The following EYA4 variants were observed in gnomAD, a reference collection of about 807,000 sequenced individuals.
The protein encoded by EYA4 is protein phosphatase EYA4.
A neutral mutation model predicts 87.9 loss-of-function variants in EYA4; 31 were observed. The observed-to-expected ratio is 0.35, with a 90% CI of 0.27 to 0.48. The LOEUF (loss-of-function observed/expected upper bound fraction) is 0.48. EYA4 is among the 20% of genes least tolerant of loss of function. The pLI is 0.99. For missense variants in EYA4, 678 were observed against 761.4 expected (o/e 0.89, Z 1.29); for synonymous variants, 263 against 270.6 (o/e 0.97, Z 0.28).
chr6:133,348,625 C>A (rs1366683860), intron 2 of EYA4, among the ~76,000 whole-genome samples: 2 of 152,080 alleles, frequency 1.3e-5, no homozygotes, highest in Admixed American at 1.3e-4. Flanking sequence ...TCTTTAAATA[C>A]CATTTTTTAT....
At chr6:133,491,616 T>C (rs989857607) in intron 13 of EYA4, among the ~76,000 whole-genome samples, 1 of 151,956 alleles carries the variant, frequency 6.6e-6, no homozygotes, top group Non-Finnish European at 1.5e-5. Context: ...GTCCAAAACG[T>C]GAACACACCA....
intron 2 of EYA4, among the ~76,000 whole-genome samples, chr6:133,297,606 GC>G (rs1303801649): frequency 6.6e-6 from 1 of 152,134 alleles, no homozygotes; most frequent in Admixed American, 6.5e-5. Flanking sequence ...TGAGTTCAGG[GC>G]AAACACAGCC....
At chr6:133,358,175 A>G (rs1784207973) in intron 2 of EYA4, among the ~76,000 whole-genome samples, 1 of 152,182 alleles carries the variant, frequency 6.6e-6, no homozygotes, top group Non-Finnish European at 1.5e-5. Context: ...AGTTTAATAG[A>G]AACCCAAGTT....
chr6:133,453,671 G>A (rs530859620), intron 5 of EYA4: 3 of 152,074 alleles, frequency 2.0e-5, no homozygotes, highest in Non-Finnish European at 4.4e-5. Context: ...TTCTGTGACA[G>A]AATAAATGTT....
chr6:133,437,227 C>A (rs1015898554), intron 3 of EYA4, among the ~76,000 whole-genome samples: 53 of 152,158 alleles, frequency 3.5e-4, no homozygotes, highest in African/African-American at 1.1e-3. Context: ...GAGCAGTGTA[C>A]ATTTGGCAGA....
At chr6:133,259,928 T>G (rs1416956094) in intron 1 of EYA4, among the ~76,000 whole-genome samples, 3 of 152,188 alleles carry the variant, frequency 2.0e-5, no homozygotes, top group Non-Finnish European at 4.4e-5. Context: ...ACACACTTCT[T>G]GAGATTTACC....
intron 13 of EYA4, among the ~76,000 whole-genome samples, chr6:133,497,212 T>C (rs1431429326): frequency 6.6e-6 from 1 of 152,088 alleles, no homozygotes; most frequent in Non-Finnish European, 1.5e-5. Flanking sequence ...TCTTAATCTC[T>C]GTATTCTTTG....
intron 2 of EYA4, among the ~76,000 whole-genome samples, chr6:133,294,956 A>G (rs1778841508): frequency 1.3e-5 from 2 of 152,188 alleles, no homozygotes; most frequent in South Asian, 4.1e-4. Context: ...TTATTTGAGT[A>G]TCTAACATAT....
intron 2 of EYA4, among the ~76,000 whole-genome samples, chr6:133,316,337 A>G (rs1048946557): frequency 6.6e-6 from 1 of 152,182 alleles, no homozygotes; most frequent in Admixed American, 6.5e-5. Context: ...GTGCATAATT[A>G]CAGTCCCCAA....
chr6:133,290,422 T>G (rs866672840), intron 2 of EYA4, among the ~76,000 whole-genome samples: 4 of 152,220 alleles, frequency 2.6e-5, no homozygotes, highest in African/African-American at 9.6e-5. Context: ...TAACATTTTC[T>G]TTGATTTACA....
chr6:133,392,032 G>A (rs17062424), intron 3 of EYA4, among the ~76,000 whole-genome samples: 4,644 of 152,214 alleles, frequency 0.031, 213 homozygotes, highest in African/African-American at 0.1. Flanking sequence ...TCTACAAACC[G>A]TGATCTGAAA....
chr6:133,448,250 C>A, intron 5 of EYA4, 71 bp downstream of exon 5: 1 of 1,091,774 alleles, frequency 9.2e-7, no homozygotes, highest in Non-Finnish European at 1.4e-6. Flanking sequence ...CTGTCTGTTG[C>A]TATGTCTATG....
In EYA4 at chr6:133,531,223, A is replaced by G; in HGVS notation, c.*2418A>G. 6.5e-7 allele frequency: 1 copy of G among 1,534,652 alleles called. No homozygotes were observed. Among genetic ancestry groups the G allele is most frequent in the Non-Finnish European group, 8.7e-7 (1 of 1,146,408 alleles). Reference sequence around the variant, plus strand: ...TCTGTGTTCAGAAGAGGCTGCCGGCATAAAACCTAAATGCAAGGTTGACGG... The same window carrying G: ...TCTGTGTTCAGAAGAGGCTGCCGGCGTAAAACCTAAATGCAAGGTTGACGG... On this transcript the variant is annotated 3_prime_UTR_variant, in exon 20 of 20. Coordinates refer to ENST00000355286, the MANE Select transcript of EYA4 (RefSeq NM_004100.5).
chr6:133,391,233 T>TTTTTTG (rs1787263747), intron 3 of EYA4, among the ~76,000 whole-genome samples: 1 of 147,408 alleles, frequency 6.8e-6, no homozygotes, highest in African/African-American at 2.5e-5. Flanking sequence ...TTTTTTTTTT[T>TTTTTTG]TTTTTGAGAT....
intron 3 of EYA4, among the ~76,000 whole-genome samples, chr6:133,402,849 A>T (rs1257868912): frequency 6.6e-6 from 1 of 152,182 alleles, no homozygotes; most frequent in African/African-American, 2.4e-5. Flanking sequence ...GTAACAGGGG[A>T]CAAGACCAGT....
At chr6:133,403,818 G>A (rs211613) in intron 3 of EYA4, among the ~76,000 whole-genome samples, 10,506 of 152,142 alleles carry the variant, frequency 0.069, 536 homozygotes, top group Non-Finnish European at 0.11. Flanking sequence ...TTGTTTGTGT[G>A]TTTTTCTTTG....
intron 2 of EYA4, among the ~76,000 whole-genome samples, chr6:133,351,191 G>A (rs1783614508): frequency 6.6e-6 from 1 of 152,182 alleles, no homozygotes; most frequent in South Asian, 2.1e-4. Context: ...TTAATCTAGT[G>A]TTAGTTTTGT....
chr6:133,457,026 G>A (rs199797602), intron 6 of EYA4, among the ~76,000 whole-genome samples: 2 of 151,864 alleles, frequency 1.3e-5, no homozygotes, highest in East Asian at 3.9e-4. Context: ...TTTAACATTC[G>A]AGATGTAAAA....
intron 2 of EYA4, among the ~76,000 whole-genome samples, chr6:133,317,893 C>T (rs1307562128): frequency 2.0e-5 from 3 of 151,428 alleles, no homozygotes. Context: ...ATCCCTCCAT[C>T]CCCCGGTGCC....
Sources: gnomAD v4.1 joint callset for allele counts (sites outside exome capture counted in the v4.1 genomes callset) on GRCh38, gnomAD v4.1.1 for gene constraint, MANE v1.5 for transcripts, NCBI Gene and HGNC (gene_info 2026-07-23, HGNC 2026-07-21) for gene names.